The following KLF8 variants were observed in gnomAD, a reference collection of about 807,000 sequenced individuals.
The protein encoded by KLF8 is KLF transcription factor 8.
A neutral mutation model predicts 18.2 loss-of-function variants in KLF8; 10 were observed. That is an observed-to-expected ratio of 0.55 (90% confidence interval 0.34 to 0.93). The LOEUF is 0.93. Among genes scored for constraint, KLF8 ranks in the 40% least tolerant of loss-of-function variants. The pLI is 0.02. For synonymous variants in KLF8, 109 were observed against 97.3 expected, an observed-to-expected ratio of 1.12 and a Z score of -0.71; for missense variants, 264 against 277.9, an observed-to-expected ratio of 0.95 and a Z score of 0.36.
the KLF8 span, among the ~76,000 whole-genome samples, chrX:56,093,632 A>G: frequency 2.7e-5 from 3 of 110,860 alleles, no homozygotes; most frequent in Admixed American, 9.7e-5. Flanking sequence ...TTAGAGGAAA[A>G]ATAAATAAAA....
the KLF8 span, among the ~76,000 whole-genome samples, chrX:56,177,423 G>A: frequency 9.0e-6 from 1 of 111,041 alleles, no homozygotes; most frequent in African/African-American, 3.3e-5. Context: ...AGTGGATACT[G>A]GTGAGCAGCA....
the KLF8 span, among the ~76,000 whole-genome samples, chrX:56,123,299 G>GAAAGAAAGAAAGAAAGAA: frequency 4.9e-5 from 5 of 102,842 alleles, no homozygotes; most frequent in African/African-American, 1.5e-4. Flanking sequence ...AAGAAAGAAA[G>GAAAGAAAGAAAGAAAGAA]AGAAAGAAAG....
chrX:55,989,945 T>C, the KLF8 span, among the ~76,000 whole-genome samples: 5 of 111,957 alleles, frequency 4.5e-5, no homozygotes, highest in Admixed American at 3.8e-4. Context: ...GGTGTATGTG[T>C]CAAGGAATTT....
the KLF8 span, among the ~76,000 whole-genome samples, chrX:55,932,836 A>T: frequency 9.0e-6 from 1 of 110,878 alleles, no homozygotes; most frequent in Non-Finnish European, 1.9e-5. Context: ...GAATTTGATG[A>T]TTATGTGTCT....
chrX:56,283,957 T>C (rs182014600), intron 5 of KLF8, among the ~76,000 whole-genome samples: 106 of 112,032 alleles, frequency 9.5e-4, no homozygotes, highest in African/African-American at 3.3e-3. Context: ...TCTAACATCT[T>C]GGACTTTCTT....
At chrX:55,939,271 A>G in the KLF8 span, among the ~76,000 whole-genome samples, 2 of 111,885 alleles carry the variant, frequency 1.8e-5, no homozygotes, top group Non-Finnish European at 3.8e-5. Flanking sequence ...GCTCCTGAAT[A>G]ACTACTGGGT....
At chrX:56,071,126 G>T in the KLF8 span, among the ~76,000 whole-genome samples, 2 of 111,763 alleles carry the variant, frequency 1.8e-5, no homozygotes, top group African/African-American at 6.5e-5. Context: ...TCATAGGATT[G>T]TAATAACCTC....
chrX:56,228,192 C>A (rs897754028), upstream of KLF8, among the ~76,000 whole-genome samples: 1 of 112,355 alleles, frequency 8.9e-6, no homozygotes, highest in Non-Finnish European at 1.9e-5. Flanking sequence ...TTCTCAATAT[C>A]TATGACCAGA....
At chrX:56,012,611 G>T in the KLF8 span, among the ~76,000 whole-genome samples, 2 of 111,390 alleles carry the variant, frequency 1.8e-5, no homozygotes, top group African/African-American at 6.5e-5. Context: ...TCAGGCAATA[G>T]AAAGAAATGA....
chrX:56,187,604 C>G, the KLF8 span, among the ~76,000 whole-genome samples: 1 of 111,713 alleles, frequency 9.0e-6, no homozygotes, highest in Non-Finnish European at 1.9e-5. Context: ...CCTTGATGAA[C>G]ATCGATGCAA....
intron 2 of KLF8, among the ~76,000 whole-genome samples, chrX:56,257,926 A>C (rs1280987673): frequency 8.9e-6 from 1 of 112,247 alleles, no homozygotes; most frequent in Non-Finnish European, 1.9e-5. Flanking sequence ...TTCCTTGAGA[A>C]ATCTAGGAGT....
chrX:56,037,129 T>C, the KLF8 span, among the ~76,000 whole-genome samples: 1 of 111,941 alleles, frequency 8.9e-6, no homozygotes, highest in African/African-American at 3.2e-5. Flanking sequence ...TCCTTTCCAA[T>C]ATAGATGTCC....
the KLF8 span, among the ~76,000 whole-genome samples, chrX:55,956,380 T>C: frequency 1.8e-5 from 2 of 111,711 alleles, no homozygotes; most frequent in Middle Eastern, 9.3e-3. Flanking sequence ...AATATGTCTT[T>C]GAGACTCTGC....
chrX:56,102,055 G>A, the KLF8 span, among the ~76,000 whole-genome samples: 2 of 111,239 alleles, frequency 1.8e-5, no homozygotes, highest in East Asian at 5.6e-4. Context: ...AATTTCCTAG[G>A]TTTTTCTCTA....
the KLF8 span, among the ~76,000 whole-genome samples, chrX:56,118,009 TC>T: frequency 5.4e-5 from 6 of 111,686 alleles, no homozygotes; most frequent in South Asian, 2.3e-3. Flanking sequence ...CTCTAAGGCC[TC>T]TTTTATAAGG....
chrX:55,938,920 A>G, the KLF8 span, among the ~76,000 whole-genome samples: 2 of 111,942 alleles, frequency 1.8e-5, no homozygotes, highest in South Asian at 3.8e-4. Context: ...CCACACAATA[A>G]TAGTGTGTCA....
the KLF8 span, among the ~76,000 whole-genome samples, chrX:56,064,451 A>C: frequency 1.2e-3 from 133 of 110,424 alleles, no homozygotes; most frequent in African/African-American, 4.2e-3. Flanking sequence ...TAATTGGGTC[A>C]TTTAAAAATT....
chrX:55,932,726 C>T, the KLF8 span, among the ~76,000 whole-genome samples: 1 of 112,033 alleles, frequency 8.9e-6, no homozygotes, highest in African/African-American at 3.2e-5. Context: ...AGAGTTTCTG[C>T]AGAGAGATCC....
chrX:56,087,325 T>C, the KLF8 span, among the ~76,000 whole-genome samples: 6 of 110,860 alleles, frequency 5.4e-5, no homozygotes, highest in Non-Finnish European at 9.4e-5. Context: ...GATTGGATCA[T>C]GGGGGTTTAT....
Sources: gnomAD v4.1 joint callset for allele counts (sites outside exome capture counted in the v4.1 genomes callset) on GRCh38, gnomAD v4.1.1 for gene constraint, MANE v1.5 for transcripts, NCBI Gene and HGNC (gene_info 2026-07-23, HGNC 2026-07-21) for gene names.